Variants in SEMA6D observed in about 807,000 individuals in gnomAD.
The protein encoded by SEMA6D is semaphorin 6D, also known as semaphorin-6D.
In SEMA6D, 35 loss-of-function variants were observed where a neutral mutation model predicts 106.6. The ratio of observed to expected loss-of-function variants is 0.33; its 90% CI spans 0.25 to 0.44. The LOEUF (loss-of-function observed/expected upper bound fraction) is 0.44. Ranked by LOEUF, SEMA6D falls within the 20% of genes least tolerant of loss-of-function variation. The pLI, the probability that SEMA6D is intolerant of heterozygous loss-of-function variation, is 1.00. For synonymous variants in SEMA6D, 499 were observed against 487.7 expected, an observed-to-expected ratio of 1.02 and a Z score of -0.31; for missense variants, 1,185 against 1,345.9, an observed-to-expected ratio of 0.88 and a Z score of 1.87.
At chr15:47,315,789 T>C (rs907683552) in intron 1 of SEMA6D, among the ~76,000 whole-genome samples, 1 of 152,182 alleles carries the variant, frequency 6.6e-6, no homozygotes, top group Non-Finnish European at 1.5e-5. Flanking sequence ...GTTTTACTCT[T>C]ATAGATCTTG....
At chr15:47,767,330 T>C (rs2082397809) in intron 17 of SEMA6D, 1 of 359,494 alleles carries the variant, frequency 2.8e-6, no homozygotes, top group African/African-American at 2.1e-5. Flanking sequence ...TCAAATGGGC[T>C]AACATAGACT....
At chr15:47,605,390 C>T (rs1036305873) in intron 4 of SEMA6D, 3 of 152,194 alleles carry the variant, frequency 2.0e-5, no homozygotes, top group Non-Finnish European at 4.4e-5. Flanking sequence ...GAAAAGAGAA[C>T]AAGCAATAAA....
chr15:47,765,752 C>T, intron 13 of SEMA6D, 117 bp from the exon 14 acceptor site: 1 of 966,568 alleles, frequency 1.0e-6, no homozygotes, highest in Non-Finnish European at 1.4e-6. Flanking sequence ...AAGCTATGTA[C>T]TTGCCTGGTT....
chr15:47,603,634 C>A (rs1435756), intron 4 of SEMA6D, among the ~76,000 whole-genome samples: 2 of 152,054 alleles, frequency 1.3e-5, no homozygotes, highest in Non-Finnish European at 2.9e-5. Flanking sequence ...AATGAAGTTA[C>A]AAATGTGCGA....
At chr15:47,449,289 A>T (rs1438064283) in intron 2 of SEMA6D, among the ~76,000 whole-genome samples, 1 of 152,118 alleles carries the variant, frequency 6.6e-6, no homozygotes, top group East Asian at 1.9e-4. Context: ...TACTGAAGAT[A>T]TGTTTATGAA....
intron 2 of SEMA6D, chr15:47,412,602 A>T (rs1466191049): frequency 6.6e-6 from 1 of 152,250 alleles, no homozygotes; most frequent in African/African-American, 2.4e-5. Flanking sequence ...TCGCAAAACC[A>T]TAGCAAACAC....
At chr15:47,695,598 A>T (rs1168430543) in intron 4 of SEMA6D, among the ~76,000 whole-genome samples, 1 of 152,152 alleles carries the variant, frequency 6.6e-6, no homozygotes, top group East Asian at 1.9e-4. Context: ...CTTAATTCAT[A>T]TTATCATCTG....
intron 3 of SEMA6D, among the ~76,000 whole-genome samples, chr15:47,551,063 G>A (rs763357896): frequency 2.6e-5 from 4 of 152,146 alleles, no homozygotes; most frequent in Non-Finnish European, 4.4e-5. Context: ...TCAGGATATC[G>A]ATAAGCTTTG....
intron 10 of SEMA6D, 44 bp from the exon 11 acceptor site, chr15:47,764,130 C>T: frequency 3.7e-6 from 6 of 1,612,812 alleles, no homozygotes; most frequent in Non-Finnish European, 5.1e-6. Context: ...CCAAGACAGG[C>T]TTCATGTCGC....
chr15:47,503,871 G>T (rs769328942), intron 3 of SEMA6D, among the ~76,000 whole-genome samples: 121 of 152,120 alleles, frequency 8.0e-4, no homozygotes, highest in Non-Finnish European at 1.3e-3. Flanking sequence ...TAACCAAAAG[G>T]CCGAGAGAGA....
At chr15:47,606,925 A>G (rs2076793835) in intron 4 of SEMA6D, among the ~76,000 whole-genome samples, 1 of 152,100 alleles carries the variant, frequency 6.6e-6, no homozygotes, top group Non-Finnish European at 1.5e-5. Flanking sequence ...GGCCCAAACC[A>G]CAGGACCTGG....
At chr15:47,248,333 GA>G in intron 1 of SEMA6D, among the ~76,000 whole-genome samples, 1 of 152,264 alleles carries the variant, frequency 6.6e-6, no homozygotes, top group Admixed American at 6.5e-5. Context: ...AAACAAATGA[GA>G]AAAACATTAA....
At chr15:47,731,328 T>C (rs569033678) in intron 1 of SEMA6D, among the ~76,000 whole-genome samples, 3 of 146,238 alleles carry the variant, frequency 2.1e-5, no homozygotes, top group East Asian at 4.4e-4. Context: ...CCGCCCCCGG[T>C]TGAACACATA....
intron 1 of SEMA6D, among the ~76,000 whole-genome samples, chr15:47,250,487 C>G (rs780737821): frequency 2.0e-5 from 3 of 152,012 alleles, no homozygotes; most frequent in African/African-American, 7.2e-5. Context: ...TTAGCAAATC[C>G]TGAAAGAAAA....
At chr15:47,528,152 A>C (rs2044825753) in intron 3 of SEMA6D, among the ~76,000 whole-genome samples, 1 of 152,244 alleles carries the variant, frequency 6.6e-6, no homozygotes, top group Admixed American at 6.5e-5. Context: ...TAATGTGGAC[A>C]CTGCATTCAT....
chr15:47,407,403 C>CAAA lies in SEMA6D; in HGVS notation c.-238-4988_-238-4987insAAA, dbSNP rs1462088729. 7.7e-4 allele frequency among the ~76,000 whole-genome samples: 63 copies of CAAA among 82,134 alleles called. 2 individuals are homozygous for CAAA. The highest frequency in any genetic ancestry group is 2.5e-3 in the South Asian group (6 of 2,412). The allele number at this position is 82,134 out of a possible 152,430, so 53.9% of individuals were successfully genotyped here. A position where few individuals can be genotyped will look rare whatever the true frequency, so the allele number is the denominator to read the frequency against. ...AAAAAAAAAACCAAAACAACAACAA[C>CAAA]AACAACAAAAAAAACAAAAAAAACA... On this transcript the variant is annotated intron_variant, in intron 1 of 19. Coordinates refer to the SEMA6D transcript ENST00000558014.
chr15:47,228,138 ACACACACAC>A (rs1204660911), intron 1 of SEMA6D, among the ~76,000 whole-genome samples: 3 of 61,520 alleles, frequency 4.9e-5, no homozygotes, highest in African/African-American at 3.2e-4. Flanking sequence ...GTGTGTGTGT[ACACACACAC>A]ACACACACAC....
intron 3 of SEMA6D, among the ~76,000 whole-genome samples, chr15:47,481,780 T>C (rs1465513141): frequency 6.6e-6 from 1 of 152,182 alleles, no homozygotes; most frequent in Non-Finnish European, 1.5e-5. Context: ...CATAAATGCA[T>C]GTCATGTATA....
chr15:47,618,006 A>C (rs2077037343), intron 4 of SEMA6D, among the ~76,000 whole-genome samples: 1 of 152,128 alleles, frequency 6.6e-6, no homozygotes, highest in African/African-American at 2.4e-5. Flanking sequence ...AGGTTAATGC[A>C]TTTTTATTGA....
Sources: allele counts gnomAD v4.1 joint callset (sites outside exome capture counted in the v4.1 genomes callset), GRCh38; gene constraint gnomAD v4.1.1; transcripts MANE v1.5; gene names NCBI Gene and HGNC (gene_info 2026-07-23, HGNC 2026-07-21).